CLEC9A: variants seen among roughly 807,000 people sequenced by gnomAD.
CLEC9A encodes C-type lectin domain family 9 member A.
In CLEC9A, 24 loss-of-function variants were observed where a neutral mutation model predicts 30.0. That is an observed-to-expected ratio of 0.80 (90% confidence interval 0.58 to 1.13). CLEC9A has a LOEUF of 1.13. Among genes scored for constraint, CLEC9A ranks in the 50% most tolerant of loss-of-function variants. The pLI, the probability that CLEC9A is intolerant of heterozygous loss-of-function variation, is 0.00. For missense variants in CLEC9A, 251 were observed against 280.9 expected, an observed-to-expected ratio of 0.89 and a Z score of 0.76; for synonymous variants, 111 against 96.8, an observed-to-expected ratio of 1.15 and a Z score of -0.86.
chr12:10,033,828 G>A (rs1347079270), intron 1 of CLEC9A, among the ~76,000 whole-genome samples: 1 of 152,016 alleles, frequency 6.6e-6, no homozygotes, highest in Admixed American at 6.6e-5. Flanking sequence ...GCCTAAATTG[G>A]ATAGTACCCA....
intron 7 of CLEC9A, among the ~76,000 whole-genome samples, chr12:10,063,510 A>G (rs1441719646): frequency 6.6e-6 from 1 of 152,202 alleles, no homozygotes; most frequent in Non-Finnish European, 1.5e-5. Context: ...CCACTTCAAG[A>G]TATACATATA....
At chr12:10,064,704 A>G in intron 7 of CLEC9A, 28 bp from the exon 8 acceptor site, 1 of 1,541,026 alleles carries the variant, frequency 6.5e-7, no homozygotes, top group Non-Finnish European at 8.7e-7. Flanking sequence ...TGTTTTTCTC[A>G]TTTCACAGTT....
rs1465246003 is a variant in CLEC9A, at chr12:10,035,777, G to C, written c.-318+4805G>C. On this transcript the variant is annotated intron_variant, in intron 1 of 8. Transcript: ENST00000355819. ...CTACAGGCGTGCGCCACCACACCCA[G>C]CTAATTTTTTAAACCATGGGTTTCA... Among the ~76,000 whole-genome samples the C allele has an allele frequency of 1.3e-5, 2 of 152,102 alleles. 1 individual carries two copies. The highest frequency in any genetic ancestry group is 4.8e-5 in the African/African-American group (2 of 41,414).
chr12:10,058,264 G>C (rs1161330018), intron 5 of CLEC9A, among the ~76,000 whole-genome samples: 1 of 152,070 alleles, frequency 6.6e-6, no homozygotes, highest in Non-Finnish European at 1.5e-5. Context: ...AATCTAAGAA[G>C]AAAATTATTA....
intron 6 of CLEC9A, among the ~76,000 whole-genome samples, chr12:10,062,707 A>G (rs943187974): frequency 6.6e-6 from 1 of 152,248 alleles, no homozygotes; most frequent in Non-Finnish European, 1.5e-5. Flanking sequence ...ACTAACAGAC[A>G]TGAAACAATA....
In CLEC9A at chr12:10,042,009, C is replaced by T. The variant is rs566272664; in HGVS notation, c.-163+389C>T. 2.5e-4 allele frequency among the ~76,000 whole-genome samples: 38 copies of T among 152,258 alleles called. 1 individual carries two copies. In the South Asian group the frequency reaches 7.7e-3, roughly 31 times the overall value. Reference sequence around the variant, plus strand: ...CAGTTAAATTAATTAGCTTTTCTTTCCACTCCAACAAAATAAGAGAATTTC... The same window carrying T: ...CAGTTAAATTAATTAGCTTTTCTTTTCACTCCAACAAAATAAGAGAATTTC... On this transcript the variant is annotated intron_variant, in intron 2 of 8. Transcript: ENST00000355819.
At chr12:10,047,762 C>CTT (rs1865858699) in intron 2 of CLEC9A, among the ~76,000 whole-genome samples, 1 of 152,208 alleles carries the variant, frequency 6.6e-6, no homozygotes, top group African/African-American at 2.4e-5. Context: ...AATGCACATA[C>CTT]TTTAATTTAA....
At chr12:10,034,399 C>T (rs1865726453) in intron 1 of CLEC9A, among the ~76,000 whole-genome samples, 1 of 152,230 alleles carries the variant, frequency 6.6e-6, no homozygotes, top group East Asian at 1.9e-4. Context: ...CCAGGGTCTG[C>T]CTCCAGCCTG....
chr12:10,060,716 T>C (rs903936994), intron 5 of CLEC9A: 1 of 199,418 alleles, frequency 5.0e-6, no homozygotes, highest in African/African-American at 2.4e-5. Flanking sequence ...CAAATATGCA[T>C]GTTAATGATA....
chr12:10,046,444 G>A (rs1162233821), intron 2 of CLEC9A, among the ~76,000 whole-genome samples: 1 of 152,148 alleles, frequency 6.6e-6, no homozygotes, highest in Non-Finnish European at 1.5e-5. Context: ...ATGAATAAAT[G>A]CTTCTCAACA....
chr12:10,056,507 A>G (rs1865945238), intron 5 of CLEC9A, among the ~76,000 whole-genome samples: 1 of 152,200 alleles, frequency 6.6e-6, no homozygotes, highest in Non-Finnish European at 1.5e-5. Context: ...AAACCTGCAC[A>G]TGTACCCCCT....
At chr12:10,059,096 C>T (rs963606871) in intron 5 of CLEC9A, among the ~76,000 whole-genome samples, 5 of 152,052 alleles carry the variant, frequency 3.3e-5, no homozygotes, top group Non-Finnish European at 7.4e-5. Flanking sequence ...TAACCACAAT[C>T]TAATAATGAT....
intron 1 of CLEC9A, among the ~76,000 whole-genome samples, chr12:10,032,421 C>T (rs1865706794): frequency 7.6e-6 from 1 of 131,338 alleles, no homozygotes; most frequent in Admixed American, 9.0e-5. Context: ...GACGGAGTCT[C>T]GCTTTGTCAC....
intron 1 of CLEC9A, chr12:10,040,907 C>T (rs758556835): frequency 5.1e-5 from 11 of 216,406 alleles, no homozygotes; most frequent in Non-Finnish European, 8.7e-5. Context: ...AACTCTGCAA[C>T]AATTAGCAAA....
rs1406810692 is a variant in CLEC9A, at chr12:10,030,755, T to A, written c.-535T>A. 1 of 152,214 alleles carries A rather than the reference T, an allele frequency of 6.6e-6. No homozygotes were observed. Among genetic ancestry groups the A allele is most frequent in the African/African-American group, 2.4e-5 (1 of 41,440 alleles). The allele number at this position is 152,214 out of a possible 1,614,324, so 9.4% of individuals were successfully genotyped here. A position where few individuals can be genotyped will look rare whatever the true frequency, so the allele number is the denominator to read the frequency against. On this transcript the variant is annotated 5_prime_UTR_variant, in exon 1 of 9. Coordinates refer to ENST00000355819, the MANE Select transcript of CLEC9A (RefSeq NM_207345.4). ...GACTGGCAACATGTTTTGATTCTTCTCAAATAACTCGCAAGCTCTTGTGAA... is the reference window on the plus strand; with the variant it reads ...GACTGGCAACATGTTTTGATTCTTCACAAATAACTCGCAAGCTCTTGTGAA...
chr12:10,041,618 C>T lies in CLEC9A; in HGVS notation c.-165C>T, dbSNP rs1001957983. On this transcript the variant is annotated splice_region_variant and 5_prime_UTR_variant, in exon 2 of 9. Transcript: ENST00000355819. ...CCTGAAGACTGACAACCAGAACATT[C>T]TGGTAAGAAGATTCTTATGTCAAAT... 4 of 530,460 alleles carry T rather than the reference C, an allele frequency of 7.5e-6. No individual in the cohort carries two copies. Among genetic ancestry groups the T allele is most frequent in the Admixed American group, 1.9e-5 (1 of 51,376 alleles). 32.9% of individuals were successfully genotyped at this position (530,460 alleles called of 1,614,324 possible). A position where few individuals can be genotyped will look rare whatever the true frequency, so the allele number is the denominator to read the frequency against.
At position 10,065,776 on chromosome 12, in the gene CLEC9A, T is replaced by G. The variant is rs1866040805; in HGVS notation, c.*144T>G. 5.4e-6 allele frequency: 4 copies of G among 734,708 alleles called. No individual in the cohort carries two copies. Among genetic ancestry groups the G allele is most frequent in the Non-Finnish European group, 6.4e-6 (3 of 466,664 alleles). The allele number at this position is 734,708 out of a possible 1,614,324, so 45.5% of individuals were successfully genotyped here. A position where few individuals can be genotyped will look rare whatever the true frequency, so the allele number is the denominator to read the frequency against. On this transcript the variant is annotated 3_prime_UTR_variant, in exon 9 of 9. Coordinates refer to ENST00000355819, the MANE Select transcript of CLEC9A (RefSeq NM_207345.4). ...AGCAACCTGGGACTCAATAATACACTTGGGAATATTCTTCCACACCGTCCA... is the reference window on the plus strand; with the variant it reads ...AGCAACCTGGGACTCAATAATACACGTGGGAATATTCTTCCACACCGTCCA...
At chr12:10,044,052 T>C (rs1258712576) in intron 2 of CLEC9A, among the ~76,000 whole-genome samples, 1 of 152,220 alleles carries the variant, frequency 6.6e-6, no homozygotes, top group African/African-American at 2.4e-5. Flanking sequence ...TGAGAGTCTT[T>C]TGACTTTTCG....
In CLEC9A at chr12:10,060,062, G is replaced by C. The variant is rs2137313295; in HGVS notation, c.173-1065G>C. Among the ~76,000 whole-genome samples the C allele has an allele frequency of 1.3e-5, 2 of 152,362 alleles. 1 individual carries two copies. The highest frequency in any genetic ancestry group is 6.8e-3 in the Middle Eastern group (2 of 294). On this transcript the variant is annotated intron_variant, in intron 5 of 8. Transcript: ENST00000355819. Reference sequence around the variant, plus strand: ...CAATAAGTGACAACATCAAATGCTTGTCAAGCTGCAGAGAAAGCGGATCAC... The same window carrying C: ...CAATAAGTGACAACATCAAATGCTTCTCAAGCTGCAGAGAAAGCGGATCAC...
Sources: allele counts gnomAD v4.1 joint callset (sites outside exome capture counted in the v4.1 genomes callset), GRCh38; gene constraint gnomAD v4.1.1; transcripts MANE v1.5; gene names NCBI Gene and HGNC (gene_info 2026-07-23, HGNC 2026-07-21).